TLN2: variants seen among roughly 807,000 people sequenced by gnomAD.
The protein encoded by TLN2 is talin-2.
A neutral mutation model predicts 294.7 loss-of-function variants in TLN2; 118 were observed. The ratio of observed to expected loss-of-function variants is 0.40; its 90% CI spans 0.34 to 0.47. TLN2 has a LOEUF of 0.47. TLN2 is among the 20% of genes least tolerant of loss of function. The probability of loss-of-function intolerance (pLI) is 0.84; values close to 1 mark genes in which losing one functional copy is unlikely to be tolerated. For synonymous variants in TLN2, 1,431 were observed against 1,304.5 expected, an observed-to-expected ratio of 1.10 and a Z score of -2.09; for missense variants, 3,083 against 3,282.2, an observed-to-expected ratio of 0.94 and a Z score of 1.48.
intron 47 of TLN2, among the ~76,000 whole-genome samples, chr15:62,796,718 C>A (rs1338078481): frequency 6.6e-6 from 1 of 152,138 alleles, no homozygotes. Context: ...CTGCTAGGGA[C>A]CCCTGAAACC....
rs773158187 is a variant in TLN2 at position 62,479,781 on chromosome 15, C to T, written c.-238+89096C>T. On this transcript the variant is annotated intron_variant, in intron 1 of 58. Coordinates refer to ENST00000636159, the MANE Select transcript of TLN2 (RefSeq NM_015059.3). Reference sequence around the variant, plus strand: ...GATTACAGGTGTGAGCCACCATGCCCGGCCTTCTTTGTCTTTAGACAGTGA... The same window carrying T: ...GATTACAGGTGTGAGCCACCATGCCTGGCCTTCTTTGTCTTTAGACAGTGA... 3.2e-4 allele frequency among the ~76,000 whole-genome samples: 48 copies of T among 152,198 alleles called. 1 individual carries two copies. The highest frequency in any genetic ancestry group is 5.0e-4 in the Non-Finnish European group (34 of 68,046).
intron 51 of TLN2, 61 bp downstream of exon 51, chr15:62,805,846 G>C (rs2066242638): frequency 1.3e-6 from 2 of 1,542,166 alleles, no homozygotes; most frequent in African/African-American, 2.7e-5. Context: ...TGGGTTGCTT[G>C]GTGTAGTCTG....
intron 1 of TLN2, among the ~76,000 whole-genome samples, chr15:62,552,186 A>AC (rs1485310278): frequency 2.0e-5 from 3 of 152,174 alleles, no homozygotes; most frequent in Non-Finnish European, 2.9e-5. Flanking sequence ...GAATAAAGTA[A>AC]CCCCTGGTCG....
intron 1 of TLN2, among the ~76,000 whole-genome samples, chr15:62,534,471 G>A (rs1397221465): frequency 6.6e-6 from 1 of 152,194 alleles, no homozygotes; most frequent in Non-Finnish European, 1.5e-5. Flanking sequence ...TATGGGAGAA[G>A]GAGCTTGGAG....
chr15:62,665,908 C>T (rs751592602), intron 9 of TLN2, among the ~76,000 whole-genome samples: 2 of 152,136 alleles, frequency 1.3e-5, no homozygotes, highest in Non-Finnish European at 2.9e-5. Flanking sequence ...AATAAAAAGC[C>T]ACTTGCGTAC....
chr15:62,568,128 AG>A (rs1012910774), intron 1 of TLN2, among the ~76,000 whole-genome samples: 2 of 152,078 alleles, frequency 1.3e-5, no homozygotes, highest in African/African-American at 4.8e-5. Flanking sequence ...GTGAAGGGAA[AG>A]GGGGCTGGGC....
At chr15:62,554,993 A>AG (rs1184384026) in intron 1 of TLN2, among the ~76,000 whole-genome samples, 1 of 66,662 alleles carries the variant, frequency 1.5e-5, no homozygotes, top group Non-Finnish European at 2.7e-5. Flanking sequence ...CTATTTAGAA[A>AG]GAAAAAAAAA....
intron 1 of TLN2, among the ~76,000 whole-genome samples, chr15:62,480,997 T>C (rs1445001102): frequency 6.6e-6 from 1 of 152,230 alleles, no homozygotes; most frequent in African/African-American, 2.4e-5. Flanking sequence ...AGAAGAATTT[T>C]ACCTGCAGCC....
rs761124694 is a variant in TLN2 at position 62,719,840 on chromosome 15, C to G, written c.2951C>G (p.Ala984Gly). The G allele has an allele frequency of 6.2e-7, 1 of 1,612,322 alleles. No individual in the cohort carries two copies. Among genetic ancestry groups the G allele is most frequent in the South Asian group, 1.1e-5 (1 of 90,670 alleles). ...GSQAQAEDLS[A>G]QLALIISSQN... ...CAAGCTCAAGCTGAAGACCTGAGTGCCCAGCTGGCTCTCATCATCTCCAGC... is the reference window on the plus strand; with the variant it reads ...CAAGCTCAAGCTGAAGACCTGAGTGGCCAGCTGGCTCTCATCATCTCCAGC... The change falls in exon 25 of 59, where the codon GCC (alanine) becomes GGC (glycine). Residue 984 changes from alanine to glycine, a missense_variant. Ala to Gly is a moderately conservative substitution (Grantham distance 60, BLOSUM62 0). Transcript: ENST00000636159.
intron 24 of TLN2, 123 bp downstream of exon 24, chr15:62,717,812 G>T: frequency 1.6e-6 from 1 of 643,726 alleles, no homozygotes; most frequent in Non-Finnish European, 2.5e-6. Context: ...ATTTGCCCCA[G>T]TTCCCATGTT....
At chr15:62,472,753 C>G (rs1460661715) in intron 1 of TLN2, among the ~76,000 whole-genome samples, 6 of 152,286 alleles carry the variant, frequency 3.9e-5, no homozygotes, top group African/African-American at 1.2e-4. Flanking sequence ...ACACACTGAT[C>G]ATGCCCCTAT....
chr15:62,547,274 G>A (rs2042046545), intron 1 of TLN2, among the ~76,000 whole-genome samples: 2 of 152,296 alleles, frequency 1.3e-5, no homozygotes, highest in Admixed American at 6.5e-5. Flanking sequence ...CAAAATCCTT[G>A]TGCAGATAAG....
Position 62,719,821 on chromosome 15 carries a change from C to T in TLN2, c.2932C>T (p.Gln978Ter). 1 of 1,612,476 alleles carries T rather than the reference C, an allele frequency of 6.2e-7. No homozygotes were observed. The highest frequency in any genetic ancestry group is 8.5e-7 in the Non-Finnish European group (1 of 1,179,204). The part of the protein sequence containing the change: ...LVQGVRGSQA[Q>*]AEDLSAQLAL... ...CCAGGGAGTGAGGGGGAGCCAAGCT[C>T]AAGCTGAAGACCTGAGTGCCCAGCT... The change falls in exon 25 of 59, where the codon CAA (glutamine) becomes TAA (stop). Residue 978 changes from glutamine to a stop codon, truncating the protein, a stop_gained. Transcript: ENST00000636159. LOFTEE classifies it high-confidence loss of function.
chr15:62,592,406 G>A (rs1266821914), intron 2 of TLN2, among the ~76,000 whole-genome samples: 3 of 152,160 alleles, frequency 2.0e-5, no homozygotes, highest in African/African-American at 7.2e-5. Context: ...TCGGTTTGCT[G>A]CCTAATTGGT....
chr15:62,429,196 G>C (rs1476551771), intron 1 of TLN2, among the ~76,000 whole-genome samples: 2 of 151,962 alleles, frequency 1.3e-5, no homozygotes, highest in African/African-American at 4.8e-5. Flanking sequence ...TGATGGTACT[G>C]TTTCAGGAAG....
At chr15:62,457,449 A>G (rs2036549938) in intron 1 of TLN2, among the ~76,000 whole-genome samples, 1 of 152,224 alleles carries the variant, frequency 6.6e-6, no homozygotes, top group Non-Finnish European at 1.5e-5. Context: ...GATTGAGTTC[A>G]TAGCAGGGGT....
intron 22 of TLN2, among the ~76,000 whole-genome samples, chr15:62,714,405 T>C (rs2059638377): frequency 6.6e-6 from 1 of 151,914 alleles, no homozygotes; most frequent in Non-Finnish European, 1.5e-5. Flanking sequence ...GGTTTCCCCG[T>C]GTTAGCCAGG....
intron 15 of TLN2, among the ~76,000 whole-genome samples, chr15:62,698,147 G>A (rs2058480999): frequency 6.6e-6 from 1 of 152,182 alleles, no homozygotes; most frequent in African/African-American, 2.4e-5. Context: ...CAAGCTGATT[G>A]GGCCAGATAC....
At position 62,740,515 on chromosome 15, in the gene TLN2, A is replaced by G. The variant is rs569864248; in HGVS notation, c.3886-115A>G. 1.7e-5 allele frequency: 24 copies of G among 1,413,168 alleles called. No homozygotes were observed. The South Asian group carries it at 3.2e-4, about 19-fold the overall frequency. The allele number at this position is 1,413,168 out of a possible 1,614,324, so 87.5% of individuals were successfully genotyped here. A position where few individuals can be genotyped will look rare whatever the true frequency, so the allele number is the denominator to read the frequency against. On this transcript the variant is annotated intron_variant, in intron 31 of 58. Transcript: ENST00000636159. ...GGCATCTGCGGGCTAACTGGGTTTA[A>G]TGTGATCTATACGGATAACCTGCCT...
Sources: allele counts gnomAD v4.1 joint callset (sites outside exome capture counted in the v4.1 genomes callset), GRCh38; gene constraint gnomAD v4.1.1; transcripts MANE v1.5; gene names NCBI Gene and HGNC (gene_info 2026-07-23, HGNC 2026-07-21).